Variants in CLSTN2 observed in about 807,000 individuals in gnomAD.
CLSTN2 encodes the protein calsyntenin-2.
Under a neutral mutation model 101.2 loss-of-function variants are expected in CLSTN2, and 48 were observed. The ratio of observed to expected loss-of-function variants is 0.47; its 90% CI spans 0.38 to 0.60. CLSTN2 has a LOEUF of 0.60. CLSTN2 is among the 20% of genes least tolerant of loss of function. The pLI, the probability that CLSTN2 is intolerant of heterozygous loss-of-function variation, is 0.00. For synonymous variants in CLSTN2, 481 were observed against 463.6 expected, an observed-to-expected ratio of 1.04 and a Z score of -0.48; for missense variants, 1,160 against 1,238.2, an observed-to-expected ratio of 0.94 and a Z score of 0.95.
At chr3:140,562,093 G>A in intron 12 of CLSTN2, 45 bp from the exon 13 acceptor site, 1 of 1,582,894 alleles carries the variant, frequency 6.3e-7, no homozygotes, top group African/African-American at 1.3e-5. Context: ...GCTGTTTTCT[G>A]AGCTGTCCTT....
chr3:140,499,839 C>T (rs958208313), intron 8 of CLSTN2, among the ~76,000 whole-genome samples: 9 of 152,172 alleles, frequency 5.9e-5, no homozygotes, highest in South Asian at 2.1e-4. Flanking sequence ...CCAAGGCAGG[C>T]GGATCACGAT....
chr3:140,419,285 C>A (rs1156475970), intron 4 of CLSTN2, among the ~76,000 whole-genome samples: 2 of 150,000 alleles, frequency 1.3e-5, no homozygotes, highest in Non-Finnish European at 3.0e-5. Flanking sequence ...GAGTTCGAGA[C>A]CAGCCTGGCC....
At chr3:140,263,451 G>T (rs529490974) in intron 2 of CLSTN2, among the ~76,000 whole-genome samples, 14 of 152,268 alleles carry the variant, frequency 9.2e-5, no homozygotes, top group African/African-American at 3.4e-4. Context: ...GGGTTCACTG[G>T]TTGCTCACTC....
At chr3:139,983,324 T>C (rs952009517) in intron 1 of CLSTN2, among the ~76,000 whole-genome samples, 7 of 152,184 alleles carry the variant, frequency 4.6e-5, no homozygotes, top group South Asian at 2.1e-4. Flanking sequence ...TGATTTAGTA[T>C]AATCTAACCA....
chr3:140,474,147 T>C (rs503088), intron 8 of CLSTN2, among the ~76,000 whole-genome samples: 75,753 of 151,926 alleles, frequency 0.5, 20,668 homozygotes, highest in African/African-American at 0.73. Context: ...ATACCTCACT[T>C]GTGAGCCTTT....
At chr3:140,485,000 T>C (rs1249368700) in intron 8 of CLSTN2, among the ~76,000 whole-genome samples, 1 of 152,236 alleles carries the variant, frequency 6.6e-6, no homozygotes, top group Non-Finnish European at 1.5e-5. Flanking sequence ...CCATTGCTGG[T>C]GAGGAGCTGT....
chr3:139,938,552 A>G (rs1003408030), intron 1 of CLSTN2, among the ~76,000 whole-genome samples: 1 of 152,250 alleles, frequency 6.6e-6, no homozygotes, highest in African/African-American at 2.4e-5. Flanking sequence ...TTCAAAAAAG[A>G]TAAATACTTC....
chr3:140,256,304 C>T (rs188808553), intron 2 of CLSTN2, among the ~76,000 whole-genome samples: 124 of 152,280 alleles, frequency 8.1e-4, no homozygotes, highest in Non-Finnish European at 1.2e-3. Flanking sequence ...GTCACACTGC[C>T]CCAAAAAGCA....
At chr3:140,325,900 G>A (rs1171208219) in intron 2 of CLSTN2, among the ~76,000 whole-genome samples, 2 of 152,132 alleles carry the variant, frequency 1.3e-5, no homozygotes, top group African/African-American at 2.4e-5. Context: ...TACTCTCGTG[G>A]CAAAACTGCT....
intron 2 of CLSTN2, among the ~76,000 whole-genome samples, chr3:140,335,659 A>C (rs1022424432): frequency 1.3e-5 from 2 of 152,222 alleles, no homozygotes; most frequent in African/African-American, 4.8e-5. Context: ...TACATTTCTC[A>C]CTGATTACTA....
At chr3:140,392,139 G>C (rs1400233232) in intron 2 of CLSTN2, among the ~76,000 whole-genome samples, 1 of 150,854 alleles carries the variant, frequency 6.6e-6, no homozygotes, top group Non-Finnish European at 1.5e-5. Context: ...TGTTGATTAG[G>C]TAGAGCAGCA....
At chr3:140,294,004 G>C (rs1016471947) in intron 2 of CLSTN2, among the ~76,000 whole-genome samples, 1 of 152,182 alleles carries the variant, frequency 6.6e-6, no homozygotes, top group African/African-American at 2.4e-5. Context: ...GTGCCCCATG[G>C]AAAGCACTGA....
At chr3:140,356,086 C>A (rs973128404) in intron 2 of CLSTN2, among the ~76,000 whole-genome samples, 8 of 152,162 alleles carry the variant, frequency 5.3e-5, no homozygotes, top group Admixed American at 3.3e-4. Context: ...GTATCTCCAC[C>A]ATGCAGATTT....
intron 1 of CLSTN2, among the ~76,000 whole-genome samples, chr3:140,014,994 G>A (rs1000887500): frequency 4.6e-5 from 7 of 152,146 alleles, no homozygotes; most frequent in Admixed American, 6.5e-5. Context: ...GCAGAGACAC[G>A]GGGCTCCTGG....
intron 2 of CLSTN2, among the ~76,000 whole-genome samples, chr3:140,308,002 T>C (rs1033230755): frequency 1.3e-5 from 2 of 152,192 alleles, no homozygotes; most frequent in Admixed American, 6.5e-5. Flanking sequence ...GCCTCAATAA[T>C]GTAAAGTTGG....
chr3:139,969,363 A>G lies in CLSTN2; in HGVS notation c.109+33880A>G, dbSNP rs1935655854. Among the ~76,000 whole-genome samples the G allele has an allele frequency of 2.0e-5, 3 of 152,118 alleles. No individual in the cohort carries two copies. In the South Asian group the frequency reaches 6.2e-4, roughly 32 times the overall value. On this transcript the variant is annotated intron_variant, in intron 1 of 16. Coordinates refer to ENST00000458420, the MANE Select transcript of CLSTN2 (RefSeq NM_022131.3). ...CCTGGGGAGGTTGCATCCTTCCCCT[A>G]GTTATCTCCTATACCAGTTAATCTG...
intron 1 of CLSTN2, among the ~76,000 whole-genome samples, chr3:140,083,998 G>A (rs2008640400): frequency 6.6e-6 from 1 of 152,158 alleles, no homozygotes; most frequent in South Asian, 2.1e-4. Context: ...CTGGAGATCG[G>A]TAGGAGATAT....
chr3:140,514,431 T>C (rs778837936), intron 8 of CLSTN2, among the ~76,000 whole-genome samples: 3 of 152,162 alleles, frequency 2.0e-5, no homozygotes, highest in Non-Finnish European at 4.4e-5. Context: ...CAGGTTGCTG[T>C]GAATGCCATT....
At chr3:140,270,598 G>C (rs2086733316) in intron 2 of CLSTN2, among the ~76,000 whole-genome samples, 2 of 152,182 alleles carry the variant, frequency 1.3e-5, no homozygotes, top group African/African-American at 4.8e-5. Flanking sequence ...CTCTATATGA[G>C]CCTGGTTGTG....
Sources: allele counts gnomAD v4.1 joint callset (sites outside exome capture counted in the v4.1 genomes callset), GRCh38; gene constraint gnomAD v4.1.1; transcripts MANE v1.5; gene names NCBI Gene and HGNC (gene_info 2026-07-23, HGNC 2026-07-21).